Variants in SLC14A2 observed in about 807,000 individuals in gnomAD.
The protein encoded by SLC14A2 is urea transporter 2.
A neutral mutation model predicts 104.6 loss-of-function variants in SLC14A2; 91 were observed. The ratio of observed to expected loss-of-function variants is 0.87; its 90% CI spans 0.73 to 1.04. The LOEUF (loss-of-function observed/expected upper bound fraction) is 1.04. SLC14A2 is among the 50% of genes least tolerant of loss of function. The pLI is 0.00. For missense variants in SLC14A2, 1,189 were observed against 1,156.0 expected, an observed-to-expected ratio of 1.03 and a Z score of -0.41; for synonymous variants, 476 against 466.4, an observed-to-expected ratio of 1.02 and a Z score of -0.27.
chr18:45,464,453 G>A (rs1424749074), intron 1 of SLC14A2, among the ~76,000 whole-genome samples: 5 of 152,090 alleles, frequency 3.3e-5, no homozygotes, highest in East Asian at 3.9e-4. Flanking sequence ...TACTGTCAAC[G>A]TTCAATGAAG....
chr18:45,237,416 C>T lies in SLC14A2; in HGVS notation c.-125+24225C>T, dbSNP rs558165919. 2.0e-5 allele frequency among the ~76,000 whole-genome samples: 3 copies of T among 152,254 alleles called. No homozygotes were observed. In the South Asian group the frequency reaches 6.2e-4, roughly 32 times the overall value. ...AAGGATTTTGCCCAAGGTCACATGG[C>T]TGGACAGATCCCAGCACTCAGCCTT... is the stretch of plus-strand genomic sequence containing the variant. On this transcript the variant is annotated intron_variant, in intron 1 of 20. Transcript: ENST00000586448.
intron 1 of SLC14A2, among the ~76,000 whole-genome samples, chr18:45,482,018 G>A (rs1255008900): frequency 6.6e-6 from 1 of 152,124 alleles, no homozygotes; most frequent in African/African-American, 2.4e-5. Context: ...TCAAGATAAA[G>A]TAGTTGAAAT....
rs1459768851 is a variant in SLC14A2 at position 45,683,386 on chromosome 18, G to A, written c.*867G>A. 1 of 152,156 alleles carries A rather than the reference G, an allele frequency of 6.6e-6. No individual in the cohort carries two copies. Among genetic ancestry groups the A allele is most frequent in the Non-Finnish European group, 1.5e-5 (1 of 68,036 alleles). 9.4% of individuals were successfully genotyped at this position (152,156 alleles called of 1,614,324 possible). On this transcript the variant is annotated 3_prime_UTR_variant, in exon 20 of 20. Transcript: ENST00000255226. ...TATTCTCTCTCTCCTATAATCTGAT[G>A]AAATCAGCATGACAACAAGTAATTT...
intron 1 of SLC14A2, among the ~76,000 whole-genome samples, chr18:45,355,371 C>T (rs532387248): frequency 6.6e-6 from 1 of 151,866 alleles, no homozygotes; most frequent in Non-Finnish European, 1.5e-5. Flanking sequence ...GGCAGGAGTT[C>T]GAGACCAGCC....
Position 45,480,930 on chromosome 18 carries a change from A to AATAT in SLC14A2, c.-124-2290_-124-2287dup, listed in dbSNP as rs147910850. 4.8e-4 allele frequency among the ~76,000 whole-genome samples: 73 copies of AATAT among 150,626 alleles called. 1 individual carries two copies. Among genetic ancestry groups the AATAT allele is most frequent in the East Asian group, 4.1e-3 (21 of 5,146 alleles). On this transcript the variant is annotated intron_variant, in intron 1 of 20. Coordinates refer to the SLC14A2 transcript ENST00000586448. ...TTCTTTTCTTCTTCCCAGTTTTTAA[A>AATAT]ATATATATATATATATTAAGACTCA... is the stretch of plus-strand genomic sequence containing the variant.
chr18:45,238,000 C>T (rs1039743516), intron 1 of SLC14A2, among the ~76,000 whole-genome samples: 3 of 152,174 alleles, frequency 2.0e-5, no homozygotes, highest in African/African-American at 7.2e-5. Flanking sequence ...CTGAGCAGCA[C>T]CATTAAGCAC....
At chr18:45,242,480 G>A (rs1451513779) in intron 1 of SLC14A2, among the ~76,000 whole-genome samples, 1 of 152,118 alleles carries the variant, frequency 6.6e-6, no homozygotes, top group Non-Finnish European at 1.5e-5. Flanking sequence ...AAAATTAAAG[G>A]GCTTTTGGAG....
At chr18:45,475,652 T>TG (rs1416668651) in intron 1 of SLC14A2, among the ~76,000 whole-genome samples, 1 of 41,042 alleles carries the variant, frequency 2.4e-5, no homozygotes, top group Non-Finnish European at 4.5e-5. Flanking sequence ...GATATATATA[T>TG]ATATATATAT....
At chr18:45,224,465 C>T (rs1257034102) in intron 1 of SLC14A2, among the ~76,000 whole-genome samples, 1 of 152,156 alleles carries the variant, frequency 6.6e-6, no homozygotes, top group East Asian at 1.9e-4. Flanking sequence ...TCTGAATTCA[C>T]ATTCACACTA....
At chr18:45,593,318 CAA>C (rs1002306796) in intron 2 of SLC14A2, among the ~76,000 whole-genome samples, 1 of 140,178 alleles carries the variant, frequency 7.1e-6, no homozygotes, top group Non-Finnish European at 1.6e-5. Flanking sequence ...CTCCGTCTCA[CAA>C]AAAAAAAAGT....
chr18:45,229,427 TTTG>T (rs1333979314), intron 1 of SLC14A2, among the ~76,000 whole-genome samples: 2 of 151,732 alleles, frequency 1.3e-5, no homozygotes, highest in African/African-American at 4.9e-5. Context: ...TGTTTGTTTG[TTTG>T]TTTAAAAAAA....
At chr18:45,366,389 G>A (rs1167022894) in intron 1 of SLC14A2, among the ~76,000 whole-genome samples, 1 of 152,130 alleles carries the variant, frequency 6.6e-6, no homozygotes, top group Admixed American at 6.5e-5. Flanking sequence ...TACCAGGTGG[G>A]GAAGGCATGT....
chr18:45,312,599 A>C (rs1336636805), intron 1 of SLC14A2, among the ~76,000 whole-genome samples: 1 of 152,168 alleles, frequency 6.6e-6, no homozygotes, highest in Non-Finnish European at 1.5e-5. Flanking sequence ...TTGCTACAAA[A>C]ATATTTTCAG....
rs1395931795 is a variant in SLC14A2 at position 45,639,789 on chromosome 18, G to A, written c.887G>A (p.Cys296Tyr). The A allele has an allele frequency of 6.2e-7, 1 of 1,614,020 alleles. No individual in the cohort carries two copies. Among genetic ancestry groups the A allele is most frequent in the South Asian group, 1.1e-5 (1 of 91,078 alleles). Residue 296 changes from cysteine (C) to tyrosine (Y), a missense_variant, in exon 7 of 20, where the codon TGT becomes TAT. Cys to Tyr is a radical substitution (Grantham distance 194, BLOSUM62 -2). Coordinates refer to ENST00000255226, the MANE Select transcript of SLC14A2 (RefSeq NM_007163.4). The stretch of plus-strand genomic sequence containing the variant: ...GTTGGGGTCGGCCAGGTGTATGGCT[G>A]TGACAATCCCTGGACAGGCGGCGTG... ...IPVGVGQVYG[C>Y]DNPWTGGVFL...
At chr18:45,295,291 A>G (rs1041250790) in intron 1 of SLC14A2, among the ~76,000 whole-genome samples, 5 of 148,780 alleles carry the variant, frequency 3.4e-5, no homozygotes, top group African/African-American at 1.0e-4. Flanking sequence ...ATTAATATAC[A>G]TTTTTAAAGC....
intron 2 of SLC14A2, among the ~76,000 whole-genome samples, chr18:45,557,780 C>A (rs1174379245): frequency 6.6e-6 from 1 of 152,116 alleles, no homozygotes; most frequent in African/African-American, 2.4e-5. Flanking sequence ...AGGAGCCTAG[C>A]CATAGTTTCT....
intron 1 of SLC14A2, among the ~76,000 whole-genome samples, chr18:45,378,069 G>A (rs1000625277): frequency 2.2e-4 from 34 of 152,142 alleles, no homozygotes; most frequent in Admixed American, 2.2e-3. Flanking sequence ...CCAGAAACCA[G>A]TGTAATCTCT....
chr18:45,362,455 T>C (rs1167752551), intron 1 of SLC14A2, among the ~76,000 whole-genome samples: 2 of 152,200 alleles, frequency 1.3e-5, no homozygotes, highest in Admixed American at 6.5e-5. Flanking sequence ...TAACTCAATG[T>C]GAGAGTCAGC....
the SLC14A2 span, among the ~76,000 whole-genome samples, chr18:45,205,701 ATAT>A: frequency 6.6e-6 from 1 of 152,232 alleles, no homozygotes; most frequent in African/African-American, 2.4e-5. Flanking sequence ...TGTTTTTCAC[ATAT>A]TATAAACTTG....
Sources: gnomAD v4.1 joint callset for allele counts (sites outside exome capture counted in the v4.1 genomes callset) on GRCh38, gnomAD v4.1.1 for gene constraint, MANE v1.5 for transcripts, NCBI Gene and HGNC (gene_info 2026-07-23, HGNC 2026-07-21) for gene names.